The following ZBED2 variants were observed in gnomAD, a reference collection of about 807,000 sequenced individuals.
ZBED2 encodes the protein zinc finger BED-type containing 2, also known as zinc finger BED domain-containing protein 2.
For synonymous variants in ZBED2, 97 were observed against 98.8 expected, an observed-to-expected ratio of 0.98 and a Z score of 0.11; for missense variants, 285 against 281.0, an observed-to-expected ratio of 1.01 and a Z score of -0.10.
chr3:111,594,022 A>G lies in ZBED2; in HGVS notation c.180T>C (p.Tyr60=), dbSNP rs377684966. The part of the protein sequence containing the change: ...KGTRFSEAWE[Y]FHLAPARAGH... ...CAGCACGAGCAGGAGCTAGGTGGAA[A>G]TATTCCCATGCCTCAGAGAACCGGG... Residue 60 remains tyrosine, a synonymous_variant, in exon 2 of 2, where the codon TAT becomes TAC. Coordinates refer to ENST00000317012, the MANE Select transcript of ZBED2 (RefSeq NM_024508.5). 2 of 1,614,040 alleles carry G rather than the reference A, an allele frequency of 1.2e-6. No homozygotes were observed. Among genetic ancestry groups the G allele is most frequent in the African/African-American group, 1.3e-5 (1 of 74,918 alleles).
In ZBED2 at chr3:111,594,328, A is replaced by G; in HGVS notation, c.-127T>C. ...CTCTTGGGGATTCACAATAATGGCC[A>G]AAGTCTGGCCACACCTGGGTGGTGT... On this transcript the variant is annotated 5_prime_UTR_variant, in exon 2 of 2. Coordinates refer to ENST00000317012, the MANE Select transcript of ZBED2 (RefSeq NM_024508.5). The G allele has an allele frequency of 1.7e-6, 2 of 1,208,396 alleles. No homozygotes were observed. The highest frequency in any genetic ancestry group is 1.6e-5 in the South Asian group (1 of 61,496). 74.9% of individuals were successfully genotyped at this position (1,208,396 alleles called of 1,614,324 possible).
Position 111,594,271 on chromosome 3 carries a change from T to C in ZBED2, c.-70A>G. 5.3e-6 allele frequency: 8 copies of C among 1,498,848 alleles called. No individual in the cohort carries two copies. The highest frequency in any genetic ancestry group is 7.2e-6 in the Non-Finnish European group (8 of 1,117,936). 92.8% of individuals were successfully genotyped at this position (1,498,848 alleles called of 1,614,324 possible). The stretch of plus-strand genomic sequence containing the variant: ...CCAAAAGCTTATTTGAACCACAAGA[T>C]TAAATATATATTTGGGAAGGGCCTG... On this transcript the variant is annotated 5_prime_UTR_variant, in exon 2 of 2. Transcript: ENST00000317012.
At position 111,594,488 on chromosome 3, in the gene ZBED2, A is replaced by C; in HGVS notation, c.-287T>G. 3 of 342,604 alleles carry C rather than the reference A, an allele frequency of 8.8e-6. No homozygotes were observed. The highest frequency in any genetic ancestry group is 4.4e-5 in the Admixed American group (1 of 22,956). The allele number at this position is 342,604 out of a possible 1,614,324, so 21.2% of individuals were successfully genotyped here. On this transcript the variant is annotated 5_prime_UTR_variant, in exon 2 of 2. Coordinates refer to ENST00000317012, the MANE Select transcript of ZBED2 (RefSeq NM_024508.5). The stretch of plus-strand genomic sequence containing the variant: ...TGACTAGGCCAGAAAGACAAAACAT[A>C]TCAGTTCCTGTAGCAAAGGGGTTCT...
Position 111,593,980 on chromosome 3 carries a change from C to T in ZBED2, c.222G>A (p.Gln74=), listed in dbSNP as rs772647045. The T allele has an allele frequency of 7.4e-6, 12 of 1,614,084 alleles. No homozygotes were observed. The highest frequency in any genetic ancestry group is 1.3e-5 in the African/African-American group (1 of 74,938). ...APARAGHHPN[Q]YATCRLCGRQ... ...TGCCACACAGGCGGCAGGTGGCATA[C>T]TGGTTGGGATGGTGCCCAGCACGAG... The change falls in exon 2 of 2, where the codon CAG becomes CAA. Residue 74 remains glutamine (Q), a synonymous_variant. Transcript: ENST00000317012.
At position 111,593,512 on chromosome 3, in the gene ZBED2, C is replaced by T. The variant is rs1937092602; in HGVS notation, c.*33G>A. ...TGGCTCTTTTCTACAAGTCTAGAGT[C>T]AATGTTTTCAGAATAGATTCTCCAA... On this transcript the variant is annotated 3_prime_UTR_variant, in exon 2 of 2. Transcript: ENST00000317012. 1 of 1,507,540 alleles carries T rather than the reference C, an allele frequency of 6.6e-7. No individual in the cohort carries two copies. Among genetic ancestry groups the T allele is most frequent in the African/African-American group, 1.4e-5 (1 of 71,638 alleles). 93.4% of individuals were successfully genotyped at this position (1,507,540 alleles called of 1,614,324 possible). A position where few individuals can be genotyped will look rare whatever the true frequency, so the allele number is the denominator to read the frequency against.
Position 111,593,423 on chromosome 3 carries a change from C to A in ZBED2, c.*122G>T. 1 of 1,248,764 alleles carries A rather than the reference C, an allele frequency of 8.0e-7. No individual in the cohort carries two copies. Among genetic ancestry groups the A allele is most frequent in the Non-Finnish European group, 1.1e-6 (1 of 930,702 alleles). The allele number at this position is 1,248,764 out of a possible 1,614,324, so 77.4% of individuals were successfully genotyped here. On this transcript the variant is annotated 3_prime_UTR_variant, in exon 2 of 2. Transcript: ENST00000317012. The stretch of plus-strand genomic sequence containing the variant: ...TGCTCAGATTAACTCATACTGTGCA[C>A]TATTTCACATAAAAGCAAAATGTCA...
In ZBED2 at chr3:111,593,371, T is replaced by C; in HGVS notation, c.*174A>G. On this transcript the variant is annotated 3_prime_UTR_variant, in exon 2 of 2. Transcript: ENST00000317012. ...GGTCAGCAGAGCTCTAGGAACCTCG[T>C]AGATAAGCATTTGGTCAATTCAGAC... 5.8e-6 allele frequency: 4 copies of C among 693,782 alleles called. No individual in the cohort carries two copies. The highest frequency in any genetic ancestry group is 8.5e-6 in the Non-Finnish European group (4 of 472,066). 43.0% of individuals were successfully genotyped at this position (693,782 alleles called of 1,614,324 possible).
At position 111,593,060 on chromosome 3, in the gene ZBED2, A is replaced by G. The variant is rs986445102; in HGVS notation, c.*485T>C. On this transcript the variant is annotated 3_prime_UTR_variant, in exon 2 of 2. Coordinates refer to ENST00000317012, the MANE Select transcript of ZBED2 (RefSeq NM_024508.5). ...GCTTTTATTCATACTGGTGGTCTGG[A>G]AACTCCACCAGTACATGTGCTAAGA... 6.6e-6 allele frequency: 1 copy of G among 152,666 alleles called. No homozygotes were observed. Among genetic ancestry groups the G allele is most frequent in the Admixed American group, 6.5e-5 (1 of 15,290 alleles). The allele number at this position is 152,666 out of a possible 1,614,324, so 9.5% of individuals were successfully genotyped here.
rs763203398 is a variant in ZBED2 at position 111,594,189 on chromosome 3, C to G, written c.13G>C (p.Glu5Gln). 1 of 1,594,130 alleles carries G rather than the reference C, an allele frequency of 6.3e-7. No individual in the cohort carries two copies. Among genetic ancestry groups the G allele is most frequent in the South Asian group, 1.1e-5 (1 of 87,144 alleles). The change falls in exon 2 of 2, where the codon GAA (glutamate) becomes CAA (glutamine). Residue 5 changes from glutamate (E) to glutamine (Q), a missense_variant. Physicochemically the swap from Glu to Gln is conservative, Grantham distance 29. Transcript: ENST00000317012. MMRR[E>Q]DEEEEGTMMK... ...ATTGTTCCCTCCTCTTCCTCGTCTT[C>G]CCGCCTCATCATGTCACCTCTTCTA...
rs1937059764 is a variant in ZBED2, at chr3:111,592,903, T to A, written c.*642A>T. ...AAGACACACCGGACTCAGATTATAC[T>A]GATGAAACAACTTTAATATAAGCAA... is the stretch of plus-strand genomic sequence containing the variant. On this transcript the variant is annotated 3_prime_UTR_variant, in exon 2 of 2. Coordinates refer to ENST00000317012, the MANE Select transcript of ZBED2 (RefSeq NM_024508.5). The A allele has an allele frequency of 6.6e-6, 1 of 152,242 alleles. No individual in the cohort carries two copies. The highest frequency in any genetic ancestry group is 1.5e-5 in the Non-Finnish European group (1 of 68,048). The allele number at this position is 152,242 out of a possible 1,614,324, so 9.4% of individuals were successfully genotyped here.
In ZBED2 at chr3:111,594,030, A is replaced by G; in HGVS notation, c.172T>C (p.Trp58Arg). Reference protein sequence around the residue: ...HNKGTRFSEAWEYFHLAPARA... With the variant: ...HNKGTRFSEAREYFHLAPARA... Reference sequence around the variant, plus strand: ...GCAGGAGCTAGGTGGAAATATTCCCATGCCTCAGAGAACCGGGTGCCCTTG... The same window carrying G: ...GCAGGAGCTAGGTGGAAATATTCCCGTGCCTCAGAGAACCGGGTGCCCTTG... Residue 58 changes from tryptophan (W) to arginine (R), a missense_variant, in exon 2 of 2, where the codon TGG becomes CGG. Trp to Arg is a moderately radical substitution (Grantham distance 101, BLOSUM62 -3). Transcript: ENST00000317012. The G allele has an allele frequency of 6.2e-7, 1 of 1,614,102 alleles. No homozygotes were observed. The highest frequency in any genetic ancestry group is 8.5e-7 in the Non-Finnish European group (1 of 1,180,000).
rs959837541 is a variant in ZBED2, at chr3:111,593,998, A to T, written c.204T>A (p.Ala68=). The T allele has an allele frequency of 6.2e-7, 1 of 1,614,062 alleles. No individual in the cohort carries two copies. The highest frequency in any genetic ancestry group is 1.3e-5 in the African/African-American group (1 of 74,918). The change falls in exon 2 of 2, where the codon GCT becomes GCA. Residue 68 remains alanine, a synonymous_variant. Coordinates refer to ENST00000317012, the MANE Select transcript of ZBED2 (RefSeq NM_024508.5). ...TGGCATACTGGTTGGGATGGTGCCCAGCACGAGCAGGAGCTAGGTGGAAAT... is the reference window on the plus strand; with the variant it reads ...TGGCATACTGGTTGGGATGGTGCCCTGCACGAGCAGGAGCTAGGTGGAAAT... ...WEYFHLAPAR[A]GHHPNQYATC...
At position 111,592,980 on chromosome 3, in the gene ZBED2, A is replaced by G. The variant is rs558154610; in HGVS notation, c.*565T>C. ...GAAAGAGACGCATTGGAAAGGTCCA[A>G]AGATCTGAGGCTCACAGTTCTTTGT... On this transcript the variant is annotated 3_prime_UTR_variant, in exon 2 of 2. Coordinates refer to ENST00000317012, the MANE Select transcript of ZBED2 (RefSeq NM_024508.5). 133 of 152,398 alleles carry G rather than the reference A, an allele frequency of 8.7e-4. 1 individual carries two copies. The highest frequency in any genetic ancestry group is 3.1e-3 in the African/African-American group (130 of 41,572). 9.4% of individuals were successfully genotyped at this position (152,398 alleles called of 1,614,324 possible).
rs1937162824 is a variant in ZBED2 at position 111,594,507 on chromosome 3, G to GGGTTCTCT, written c.-314_-307dup. On this transcript the variant is annotated 5_prime_UTR_variant, in exon 2 of 2. An upstream open reading frame in the 5' UTR gains an earlier in-frame stop. Transcript: ENST00000317012. Reference sequence around the variant, plus strand: ...AAACATATCAGTTCCTGTAGCAAAGGGGTTCTCTGGTCCAACAATTACAAA... The same window carrying GGGTTCTCT: ...AAACATATCAGTTCCTGTAGCAAAGGGGTTCTCTGGTTCTCTGGTCCAACAATTACAAA... The GGGTTCTCT allele has an allele frequency of 3.3e-6, 1 of 300,612 alleles. No individual in the cohort carries two copies. The highest frequency in any genetic ancestry group is 2.2e-5 in the African/African-American group (1 of 46,110). The allele number at this position is 300,612 out of a possible 1,614,324, so 18.6% of individuals were successfully genotyped here.
Position 111,594,184 on chromosome 3 carries a change from G to C in ZBED2, c.18C>G (p.Asp6Glu), listed in dbSNP as rs775851433. The change falls in exon 2 of 2, where the codon GAC becomes GAG. Residue 6 changes from aspartate to glutamate, a missense_variant. Asp to Glu is a conservative substitution (Grantham distance 45). Transcript: ENST00000317012. ...TCATCATTGTTCCCTCCTCTTCCTC[G>C]TCTTCCCGCCTCATCATGTCACCTC... MMRRE[D>E]EEEEGTMMKA... The C allele has an allele frequency of 1.3e-6, 2 of 1,596,176 alleles. No individual in the cohort carries two copies. The highest frequency in any genetic ancestry group is 1.7e-5 in the Admixed American group (1 of 59,088).
Position 111,593,596 on chromosome 3 carries a change from G to C in ZBED2, c.606C>G (p.Cys202Trp). 6.4e-7 allele frequency: 1 copy of C among 1,558,060 alleles called. No individual in the cohort carries two copies. ...CTGCAGGCAGCTCTTTCTCCCGCTG[G>C]CATGCCTCCTTCTCAGCCCTCACCT... ...KWKVRAEKEA[C>W]QREKELPAAV... Residue 202 changes from cysteine to tryptophan, a missense_variant, in exon 2 of 2, where the codon TGC (cysteine) becomes TGG (tryptophan). Transcript: ENST00000317012.
chr3:111,593,993 T>C lies in ZBED2; in HGVS notation c.209A>G (p.His70Arg), dbSNP rs1229787903. 3 of 1,614,166 alleles carry C rather than the reference T, an allele frequency of 1.9e-6. No homozygotes were observed. Among genetic ancestry groups the C allele is most frequent in the East Asian group, 4.5e-5 (2 of 44,870 alleles). ...YFHLAPARAG[H>R]HPNQYATCRL... ...GCAGGTGGCATACTGGTTGGGATGG[T>C]GCCCAGCACGAGCAGGAGCTAGGTG... The change falls in exon 2 of 2, where the codon CAC becomes CGC. Residue 70 changes from histidine to arginine, a missense_variant. Coordinates refer to ENST00000317012, the MANE Select transcript of ZBED2 (RefSeq NM_024508.5).
Position 111,593,395 on chromosome 3 carries a change from A to G in ZBED2, c.*150T>C. The G allele has an allele frequency of 1.0e-6, 1 of 971,808 alleles. No homozygotes were observed. Among genetic ancestry groups the G allele is most frequent in the Non-Finnish European group, 1.4e-6 (1 of 697,714 alleles). 60.2% of individuals were successfully genotyped at this position (971,808 alleles called of 1,614,324 possible). A position where few individuals can be genotyped will look rare whatever the true frequency, so the allele number is the denominator to read the frequency against. ...GTAGATAAGCATTTGGTCAATTCAG[A>G]CCTGCTCAGATTAACTCATACTGTG... On this transcript the variant is annotated 3_prime_UTR_variant, in exon 2 of 2. Transcript: ENST00000317012.
chr3:111,593,660 A>G lies in ZBED2; in HGVS notation c.542T>C (p.Leu181Pro). The G allele has an allele frequency of 6.2e-7, 1 of 1,609,642 alleles. No homozygotes were observed. The highest frequency in any genetic ancestry group is 8.5e-7 in the Non-Finnish European group (1 of 1,177,116). Residue 181 changes from leucine to proline, a missense_variant, in exon 2 of 2, where the codon CTG (leucine) becomes CCG (proline). Coordinates refer to ENST00000317012, the MANE Select transcript of ZBED2 (RefSeq NM_024508.5). The stretch of plus-strand genomic sequence containing the variant: ...CAGGATGGCCCTTTCCACCTCCTCC[A>G]GGGCTCGCTCCCTTTTTTCCACAGC... ...ERAVEKRERA[L>P]EEVERAILEM... is the part of the protein sequence containing the mutation.
Sources: allele counts gnomAD v4.1 joint callset, GRCh38; gene constraint gnomAD v4.1.1; transcripts MANE v1.5; gene names NCBI Gene and HGNC (gene_info 2026-07-23, HGNC 2026-07-21).